The following EYS variants were observed in gnomAD, a reference collection of about 807,000 sequenced individuals.
EYS encodes protein eyes shut homolog.
A neutral mutation model predicts 282.1 loss-of-function variants in EYS; 250 were observed. The observed-to-expected ratio is 0.89, with a 90% CI of 0.80 to 0.98. The LOEUF is 0.98. Ranked by LOEUF, EYS falls within the 50% of genes least tolerant of loss-of-function variation. The pLI, the probability that EYS is intolerant of heterozygous loss-of-function variation, is 0.00. For missense variants in EYS, 4,016 were observed against 3,709.0 expected (o/e 1.08, Z -2.15); for synonymous variants, 1,355 against 1,282.9 (o/e 1.06, Z -1.20).
At chr6:64,344,406 C>T (rs1411170409) in intron 29 of EYS, among the ~76,000 whole-genome samples, 13 of 151,954 alleles carry the variant, frequency 8.6e-5, no homozygotes, top group African/African-American at 2.4e-4. Context: ...GTTCAACATA[C>T]GAAAATCAAT....
intron 22 of EYS, among the ~76,000 whole-genome samples, chr6:64,656,881 G>A (rs1768769830): frequency 6.6e-6 from 1 of 152,174 alleles, no homozygotes; most frequent in South Asian, 2.1e-4. Context: ...GGTAGGATGA[G>A]AGGAGTAGGA....
At chr6:65,540,382 A>C (rs1768117991) in intron 2 of EYS, among the ~76,000 whole-genome samples, 1 of 152,186 alleles carries the variant, frequency 6.6e-6, no homozygotes, top group African/African-American at 2.4e-5. Context: ...CTCTTCAGCA[A>C]TGCCATATTT....
chr6:64,457,220 C>T (rs993872674), intron 26 of EYS, among the ~76,000 whole-genome samples: 2 of 151,964 alleles, frequency 1.3e-5, no homozygotes, highest in Non-Finnish European at 2.9e-5. Context: ...CCACCATGGT[C>T]GAAAATGATA....
intron 22 of EYS, among the ~76,000 whole-genome samples, chr6:64,726,032 C>G (rs555165553): frequency 6.6e-6 from 1 of 151,934 alleles, no homozygotes; most frequent in Non-Finnish European, 1.5e-5. Flanking sequence ...TCAAAAATAC[C>G]CCTATTCTTC....
Position 64,955,714 on chromosome 6 carries a change from T to C in EYS, c.2260-9800A>G, listed in dbSNP as rs917573504. ...AATAACTACGATGGAGTCACTATGG[T>C]CTACTCCAGATATGCATAGATGCAA... On this transcript the variant is annotated intron_variant, in intron 14 of 42. Coordinates refer to ENST00000503581, the MANE Select transcript of EYS (RefSeq NM_001142800.2). 1.3e-5 allele frequency among the ~76,000 whole-genome samples: 2 copies of C among 152,156 alleles called. 1 individual carries two copies. The highest frequency in any genetic ancestry group is 2.9e-5 in the Non-Finnish European group (2 of 68,030).
At chr6:64,750,551 T>C (rs1007257359) in intron 22 of EYS, among the ~76,000 whole-genome samples, 1 of 152,150 alleles carries the variant, frequency 6.6e-6, no homozygotes. Flanking sequence ...GCTAAGGTTA[T>C]ACATTTGAAT....
Position 65,124,579 on chromosome 6 carries a change from C to A in EYS, c.2024-66852G>T, listed in dbSNP as rs149186542. Among the ~76,000 whole-genome samples, 593 of 152,252 alleles carry A rather than the reference C, an allele frequency of 3.9e-3. 3 individuals carry two copies. The highest frequency in any genetic ancestry group is 0.014 in the African/African-American group (568 of 41,546). On this transcript the variant is annotated intron_variant, in intron 12 of 42. Coordinates refer to ENST00000503581, the MANE Select transcript of EYS (RefSeq NM_001142800.2). ...ACAATATATGCATTACTTCTCCTGA[C>A]TACATCAATCTGCATTAAATCATAG... is the stretch of plus-strand genomic sequence containing the variant.
Position 65,598,050 on chromosome 6 carries a change from T to C in EYS, c.-333+41728A>G, listed in dbSNP as rs187727856. Reference sequence around the variant, plus strand: ...GGGAAGTCAAGGCTGCAGTGAGCTGTGATCCGGCCACTGCACTCTAAACCT... The same window carrying C: ...GGGAAGTCAAGGCTGCAGTGAGCTGCGATCCGGCCACTGCACTCTAAACCT... On this transcript the variant is annotated intron_variant, in intron 2 of 42. Coordinates refer to ENST00000503581, the MANE Select transcript of EYS (RefSeq NM_001142800.2). Among the ~76,000 whole-genome samples, 566 of 152,058 alleles carry C rather than the reference T, an allele frequency of 3.7e-3. 5 individuals are homozygous for C. Among genetic ancestry groups the C allele is most frequent in the African/African-American group, 0.012 (518 of 41,528 alleles).
intron 1 of EYS, among the ~76,000 whole-genome samples, chr6:65,650,921 C>T (rs1177573284): frequency 6.6e-6 from 1 of 152,050 alleles, no homozygotes; most frequent in Admixed American, 6.6e-5. Flanking sequence ...CATTCATCAA[C>T]ACCATAACAG....
intron 13 of EYS, among the ~76,000 whole-genome samples, chr6:65,002,818 A>G (rs899591026): frequency 6.8e-6 from 1 of 147,512 alleles, no homozygotes; most frequent in Non-Finnish European, 1.5e-5. Flanking sequence ...TACTTTTATA[A>G]TTTCTTATGC....
chr6:64,537,580 T>C (rs1390365954), intron 26 of EYS, among the ~76,000 whole-genome samples: 1 of 152,214 alleles, frequency 6.6e-6, no homozygotes, highest in Non-Finnish European at 1.5e-5. Context: ...ATCGCCCTAA[T>C]ATTTAACTTT....
At chr6:64,528,863 C>T (rs1284461216) in intron 26 of EYS, among the ~76,000 whole-genome samples, 2 of 151,944 alleles carry the variant, frequency 1.3e-5, no homozygotes, top group Admixed American at 6.6e-5. Context: ...TACAACGCTG[C>T]TTTATCAAAT....
At chr6:64,450,029 G>A (rs1332191382) in intron 26 of EYS, among the ~76,000 whole-genome samples, 1 of 151,988 alleles carries the variant, frequency 6.6e-6, no homozygotes, top group African/African-American at 2.4e-5. Flanking sequence ...ATGTAAATGG[G>A]ATAAATGCTC....
chr6:65,684,001 A>G (rs1002355069), intron 1 of EYS, among the ~76,000 whole-genome samples: 1 of 152,034 alleles, frequency 6.6e-6, no homozygotes, highest in Admixed American at 6.6e-5. Context: ...AAGGGGAAAA[A>G]GCTGGTTTTC....
At chr6:63,786,476 T>G (rs775874325) in intron 39 of EYS, among the ~76,000 whole-genome samples, 40 of 150,762 alleles carry the variant, frequency 2.7e-4, no homozygotes, top group Non-Finnish European at 4.6e-4. Context: ...TAAGTGGGAG[T>G]TGAACAATGA....
intron 39 of EYS, among the ~76,000 whole-genome samples, chr6:63,784,610 G>T (rs559357949): frequency 2.6e-5 from 4 of 152,108 alleles, no homozygotes; most frequent in African/African-American, 7.2e-5. Context: ...AAAGAGTGAA[G>T]GGGGGTGATA....
intron 12 of EYS, among the ~76,000 whole-genome samples, chr6:65,277,398 A>T (rs1582092479): frequency 6.7e-6 from 1 of 149,796 alleles, no homozygotes; most frequent in Non-Finnish European, 1.5e-5. Flanking sequence ...ATGCCACTGC[A>T]CTCCAGCCTG....
intron 2 of EYS, among the ~76,000 whole-genome samples, chr6:65,628,230 C>T (rs1257030442): frequency 1.3e-5 from 2 of 152,128 alleles, no homozygotes; most frequent in Non-Finnish European, 2.9e-5. Context: ...CACCAATCGA[C>T]ACTCCGTATC....
chr6:64,005,349 C>T (rs1394546747), intron 33 of EYS, among the ~76,000 whole-genome samples: 1 of 152,034 alleles, frequency 6.6e-6, no homozygotes, highest in Non-Finnish European at 1.5e-5. Flanking sequence ...ACTTAAGTTC[C>T]TTACTGAATC....
Sources: gnomAD v4.1 joint callset for allele counts (sites outside exome capture counted in the v4.1 genomes callset) on GRCh38, gnomAD v4.1.1 for gene constraint, MANE v1.5 for transcripts, NCBI Gene and HGNC (gene_info 2026-07-23, HGNC 2026-07-21) for gene names.